DNMBP: variants seen among roughly 807,000 people sequenced by gnomAD.
The protein encoded by DNMBP is dynamin-binding protein.
A neutral mutation model predicts 150.0 loss-of-function variants in DNMBP; 87 were observed. The ratio of observed to expected loss-of-function variants is 0.58; its 90% CI spans 0.49 to 0.69. The LOEUF is 0.69. DNMBP is among the 30% of genes least tolerant of loss of function. The probability of loss-of-function intolerance (pLI) is 0.00; values close to 1 mark genes in which losing one functional copy is unlikely to be tolerated. For synonymous variants in DNMBP, 711 were observed against 750.4 expected (o/e 0.95, Z 0.86); for missense variants, 1,774 against 1,949.0 (o/e 0.91, Z 1.69).
intron 3 of DNMBP, among the ~76,000 whole-genome samples, chr10:99,968,396 C>T (rs1314804279): frequency 6.6e-6 from 1 of 152,062 alleles, no homozygotes; most frequent in Admixed American, 6.5e-5. Flanking sequence ...AGAAATAAAG[C>T]CTGAAGTTGG....
At chr10:99,943,050 A>AG (rs368813069) in intron 4 of DNMBP, among the ~76,000 whole-genome samples, 215 of 151,148 alleles carry the variant, frequency 1.4e-3, no homozygotes, top group East Asian at 6.8e-3. Flanking sequence ...TGGGAGGCTG[A>AG]GGGGGGGGCG....
At chr10:99,999,472 T>G (rs2040987603) in intron 1 of DNMBP, among the ~76,000 whole-genome samples, 1 of 152,220 alleles carries the variant, frequency 6.6e-6, no homozygotes, top group Non-Finnish European at 1.5e-5. Flanking sequence ...TTATTGTTGT[T>G]GTTACACACA....
chr10:99,957,122 A>G lies in DNMBP; in HGVS notation c.352T>C (p.Ser118Pro). 6.2e-7 allele frequency: 1 copy of G among 1,613,726 alleles called. No homozygotes were observed. The highest frequency in any genetic ancestry group is 8.5e-7 in the Non-Finnish European group (1 of 1,180,020). The change falls in exon 4 of 17, where the codon TCT becomes CCT. Residue 118 changes from serine to proline, a missense_variant. Around this residue, in one of 2 missense-constraint regions of DNMBP, gnomAD observed 344 missense variants for 456.6 expected, o/e 0.75. Transcript: ENST00000324109. Reference protein sequence around the residue: ...SCWGARGFFPSSCVRELCLSS... With the variant: ...SCWGARGFFPPSCVRELCLSS... ...AGGCAGAGCTCGCGGACACATGAAG[A>G]TGGGAAGAAGCCCCGTGCGCCCCAG...
In DNMBP at chr10:99,977,991, C is replaced by T. The variant is rs115363873; in HGVS notation, c.-10-5857G>A. Among the ~76,000 whole-genome samples, 1,010 of 152,290 alleles carry T rather than the reference C, an allele frequency of 6.6e-3. 10 individuals carry two copies. Among genetic ancestry groups the T allele is most frequent in the African/African-American group, 0.023 (969 of 41,548 alleles). On this transcript the variant is annotated intron_variant, in intron 1 of 16. Transcript: ENST00000324109. ...CATTAATGTCTTGGACTTCTTCATC[C>T]TCTATGGCAGACGGTACACTAAGAA...
Position 99,957,136 on chromosome 10 carries a change from C to A in DNMBP, c.338G>T (p.Arg113Leu). 6.2e-7 allele frequency: 1 copy of A among 1,612,644 alleles called. No individual in the cohort carries two copies. Among genetic ancestry groups the A allele is most frequent in the Non-Finnish European group, 8.5e-7 (1 of 1,179,998 alleles). The change falls in exon 4 of 17, where the codon CGG (arginine) becomes CTG (leucine). Residue 113 changes from arginine to leucine, a missense_variant. By Grantham distance (102) the Arg-to-Leu change is moderately radical. This residue lies in a region of DNMBP where 344 missense variants were observed against 456.6 expected (regional missense o/e 0.75). Coordinates refer to ENST00000324109, the MANE Select transcript of DNMBP (RefSeq NM_015221.4). Reference protein sequence around the residue: ...WLQGRSCWGARGFFPSSCVRE... With the variant: ...WLQGRSCWGALGFFPSSCVRE... ...GACACATGAAGATGGGAAGAAGCCCCGTGCGCCCCAGCAGCTTCGGCCCTG... is the reference window on the plus strand; with the variant it reads ...GACACATGAAGATGGGAAGAAGCCCAGTGCGCCCCAGCAGCTTCGGCCCTG...
chr10:99,888,762 T>C (rs2039510730), intron 12 of DNMBP, 63 bp downstream of exon 12: 1 of 1,596,684 alleles, frequency 6.3e-7, no homozygotes, highest in Admixed American at 1.7e-5. Context: ...CTGACTTGCA[T>C]GAGCTGATGT....
intron 1 of DNMBP, among the ~76,000 whole-genome samples, chr10:100,001,233 TAAAAAAAAAAAAAAAAAAAAA>T (rs71009800): frequency 5.5e-4 from 12 of 21,732 alleles, no homozygotes; most frequent in South Asian, 1.8e-3. Context: ...TCCGTCTCAT[TAAAAAAAAAAAAAAAAAAAAA>T]AAAAAAAAAA....
intron 4 of DNMBP, among the ~76,000 whole-genome samples, chr10:99,937,164 C>T (rs950548671): frequency 1.3e-5 from 2 of 152,158 alleles, no homozygotes; most frequent in African/African-American, 4.8e-5. Flanking sequence ...AAGTGATCCG[C>T]CCACCTTGGC....
intron 15 of DNMBP, among the ~76,000 whole-genome samples, chr10:99,880,656 C>T (rs2039352858): frequency 6.6e-6 from 1 of 152,128 alleles, no homozygotes; most frequent in South Asian, 2.1e-4. Flanking sequence ...TCAGGAGGCC[C>T]ATGGCCAACT....
At chr10:99,960,931 C>T (rs1485431864) in intron 3 of DNMBP, among the ~76,000 whole-genome samples, 2 of 151,310 alleles carry the variant, frequency 1.3e-5, no homozygotes, top group African/African-American at 4.9e-5. Flanking sequence ...GAACTATGAT[C>T]GGACCACTGC....
chr10:99,956,841 T>C lies in DNMBP; in HGVS notation c.633A>G (p.Ser211=). ...AGTCATCTTGATTTCCAGAACTTAC[T>C]GACTCATCCACAGTCCTCAGGGGCC... is the stretch of plus-strand genomic sequence containing the variant. ...LLGPLRTVDE[S]VSSGNQDDCI... The change falls in exon 4 of 17, where the codon TCA becomes TCG. Residue 211 remains serine, a synonymous_variant. Coordinates refer to ENST00000324109, the MANE Select transcript of DNMBP (RefSeq NM_015221.4). The C allele has an allele frequency of 6.2e-7, 1 of 1,614,184 alleles. No individual in the cohort carries two copies. Among genetic ancestry groups the C allele is most frequent in the South Asian group, 1.1e-5 (1 of 91,084 alleles).
chr10:99,888,606 A>AT (rs138527142), intron 12 of DNMBP, among the ~76,000 whole-genome samples: 11,861 of 152,168 alleles, frequency 0.078, 717 homozygotes, highest in African/African-American at 0.16. Flanking sequence ...ATCACAAGCT[A>AT]TTTTTTAAAA....
At position 99,956,337 on chromosome 10, in the gene DNMBP, G is replaced by C. The variant is rs770137029; in HGVS notation, c.1137C>G (p.Asp379Glu). The C allele has an allele frequency of 9.9e-6, 16 of 1,613,836 alleles. No homozygotes were observed. Among genetic ancestry groups the C allele is most frequent in the Non-Finnish European group, 1.4e-5 (16 of 1,180,016 alleles). Residue 379 changes from aspartate (D) to glutamate (E), a missense_variant, in exon 4 of 17, where the codon GAC becomes GAG. Around this residue, in one of 2 missense-constraint regions of DNMBP, gnomAD observed 1,430 missense variants for 1,492.5 expected, o/e 0.96. Coordinates refer to ENST00000324109, the MANE Select transcript of DNMBP (RefSeq NM_015221.4). ...DTDRNSYQDEDTAGGPPRSPG... is the reference protein window; with the variant it reads ...DTDRNSYQDEETAGGPPRSPG... ...GGCTTCTCGGGGGCCCTCCTGCGGT[G>C]TCCTCGTCCTGATAAGAGTTTCTGT...
At chr10:99,890,328 A>T (rs1056355012) in intron 11 of DNMBP, among the ~76,000 whole-genome samples, 1 of 152,158 alleles carries the variant, frequency 6.6e-6, no homozygotes, top group South Asian at 2.1e-4. Context: ...AGTCAATCTA[A>T]TTTTATTATT....
intron 14 of DNMBP, 42 bp from the exon 15 acceptor site, chr10:99,884,251 A>AC (rs1476423885): frequency 6.5e-7 from 1 of 1,537,438 alleles, no homozygotes; most frequent in African/African-American, 1.4e-5. Flanking sequence ...AGTGGCCACT[A>AC]CCCCAGCAGC....
At chr10:99,883,310 G>C (rs561683682) in intron 15 of DNMBP, among the ~76,000 whole-genome samples, 3 of 152,162 alleles carry the variant, frequency 2.0e-5, no homozygotes, top group African/African-American at 7.2e-5. Context: ...AACTGTCATG[G>C]GGAGAAGAAA....
intron 4 of DNMBP, among the ~76,000 whole-genome samples, chr10:99,909,363 T>C (rs1476482044): frequency 6.6e-6 from 1 of 152,190 alleles, no homozygotes; most frequent in Non-Finnish European, 1.5e-5. Flanking sequence ...AATACCATTT[T>C]GAGAATGTGT....
chr10:100,008,316 C>T (rs530476342), intron 1 of DNMBP, among the ~76,000 whole-genome samples: 1 of 152,330 alleles, frequency 6.6e-6, no homozygotes, highest in South Asian at 2.1e-4. Flanking sequence ...AATATGAACA[C>T]TGTATAAAAG....
chr10:99,886,760 AC>A, intron 12 of DNMBP, 128 bp from the exon 13 acceptor site: 1 of 758,338 alleles, frequency 1.3e-6, no homozygotes, highest in Non-Finnish European at 2.1e-6. Context: ...CACAAGCTAA[AC>A]CCATACAGAT....
Sources: allele counts gnomAD v4.1 joint callset (sites outside exome capture counted in the v4.1 genomes callset), GRCh38; gene constraint gnomAD v4.1.1; regional missense constraint gnomAD v4.1.1; transcripts MANE v1.5; gene names NCBI Gene and HGNC (gene_info 2026-07-23, HGNC 2026-07-21).